The following ARHGAP39 variants were observed in gnomAD, a reference collection of about 807,000 sequenced individuals.
The protein encoded by ARHGAP39 is Rho GTPase activating protein 39.
In ARHGAP39, 44 loss-of-function variants were observed where a neutral mutation model predicts 106.9. The observed-to-expected ratio is 0.41, with a 90% CI of 0.32 to 0.53. The LOEUF (loss-of-function observed/expected upper bound fraction) is 0.53, where lower values mean the gene tolerates loss of function less well. ARHGAP39 is among the 20% of genes least tolerant of loss of function. The pLI is 0.21. For synonymous variants in ARHGAP39, 768 were observed against 693.2 expected, an observed-to-expected ratio of 1.11 and a Z score of -1.69; for missense variants, 1,496 against 1,577.3, an observed-to-expected ratio of 0.95 and a Z score of 0.87.
chr8:144,665,544 C>T (rs893064217), intron 1 of ARHGAP39, among the ~76,000 whole-genome samples: 2 of 152,228 alleles, frequency 1.3e-5, no homozygotes, highest in Admixed American at 1.3e-4. Context: ...CCCAGGGTCC[C>T]TGTGCTATGT....
chr8:144,532,295 G>T lies in ARHGAP39; in HGVS notation c.2980+10C>A. The T allele has an allele frequency of 6.2e-7, 1 of 1,612,122 alleles. No individual in the cohort carries two copies. The stretch of plus-strand genomic sequence containing the variant: ...GGCCCGCTCTGCTGCAGCGTGTGTG[G>T]GGGACTCACCAGGGACGTGGGGGTC... On this transcript the variant is annotated intron_variant, in intron 10 of 11. Transcript: ENST00000377307.
At chr8:144,607,146 C>T (rs982660462) in intron 1 of ARHGAP39, among the ~76,000 whole-genome samples, 8 of 146,514 alleles carry the variant, frequency 5.5e-5, no homozygotes, top group Non-Finnish European at 1.2e-4. Context: ...TGTGGTGGAG[C>T]GTGGCTATGG....
chr8:144,538,441 G>A (rs571859813), intron 6 of ARHGAP39, among the ~76,000 whole-genome samples: 3 of 152,340 alleles, frequency 2.0e-5, no homozygotes, highest in Admixed American at 2.0e-4. Flanking sequence ...GCCCACACCT[G>A]AGGGGTGGAG....
intron 2 of ARHGAP39, among the ~76,000 whole-genome samples, chr8:144,603,309 G>A (rs1261494599): frequency 1.3e-5 from 2 of 152,024 alleles, no homozygotes; most frequent in South Asian, 4.1e-4. Context: ...ATCTGTGTGT[G>A]TGCGTGTGCA....
chr8:144,661,978 C>T lies in ARHGAP39; in HGVS notation c.-82+23708G>A, dbSNP rs376196001. 9.2e-5 allele frequency among the ~76,000 whole-genome samples: 14 copies of T among 151,400 alleles called. No individual in the cohort carries two copies. The East Asian group carries it at 1.8e-3, about 19-fold the overall frequency. On this transcript the variant is annotated intron_variant, in intron 1 of 11. Transcript: ENST00000377307. ...CGTTATCCACTTTGGACTGCTCACC[C>T]TCCCCATTATCCACCTTGGGCCTCT...
At chr8:144,534,231 G>GATGTGGGT (rs2130818602) in intron 7 of ARHGAP39, 29 bp from the exon 8 acceptor site, 1 of 1,612,520 alleles carries the variant, frequency 6.2e-7, no homozygotes, top group East Asian at 2.2e-5. Context: ...TGATCAGCCT[G>GATGTGGGT]ATGTGGGTGT....
chr8:144,597,058 C>G (rs1334827019), intron 2 of ARHGAP39, among the ~76,000 whole-genome samples: 2 of 152,232 alleles, frequency 1.3e-5, no homozygotes, highest in Non-Finnish European at 2.9e-5. Flanking sequence ...TGCGGGAACT[C>G]CCTCTGGGCC....
the ARHGAP39 span, chr8:144,698,977 C>T: frequency 4.7e-6 from 2 of 428,214 alleles, no homozygotes; most frequent in Non-Finnish European, 9.4e-6. Context: ...GCCCCAGCCG[C>T]GTTTCTCTTT....
intron 1 of ARHGAP39, among the ~76,000 whole-genome samples, chr8:144,664,710 C>G (rs530910941): frequency 1.3e-5 from 2 of 151,850 alleles, no homozygotes; most frequent in African/African-American, 4.9e-5. Context: ...GAGGCTTCCA[C>G]TTTTGCTTCT....
chr8:144,671,021 A>G lies in ARHGAP39; in HGVS notation c.-82+14665T>C, dbSNP rs528373191. On this transcript the variant is annotated intron_variant, in intron 1 of 11. Coordinates refer to ENST00000377307, the MANE Select transcript of ARHGAP39 (RefSeq NM_025251.3). This position sits in a 1 kb window ranked among gnomAD's most constrained non-coding sequence, Gnocchi z 4.5. ...CCACACACATGTGCTCACACTCAGG[A>G]CACACAGTGCTGCCAAGCCTCAGGG... Among the ~76,000 whole-genome samples, 7 of 152,316 alleles carry G rather than the reference A, an allele frequency of 4.6e-5. No individual in the cohort carries two copies. In the South Asian group the frequency reaches 1.5e-3, roughly 32 times the overall value.
chr8:144,539,791 C>G (rs1817116818), intron 6 of ARHGAP39, among the ~76,000 whole-genome samples: 1 of 152,222 alleles, frequency 6.6e-6, no homozygotes, highest in Admixed American at 6.5e-5. Context: ...TAGTGCCACA[C>G]TCTCGTTAGT....
In ARHGAP39 at chr8:144,562,843, C is replaced by T. The variant is rs191782941; in HGVS notation, c.513-7200G>A. Among the ~76,000 whole-genome samples the T allele has an allele frequency of 5.9e-5, 9 of 152,054 alleles. 1 individual carries two copies. The highest frequency in any genetic ancestry group is 1.4e-4 in the African/African-American group (6 of 41,458). On this transcript the variant is annotated intron_variant, in intron 3 of 11. Transcript: ENST00000377307. ...TCCATCACACTCCAGTGGTTTCCAT[C>T]GGACTCACTCCAGTGGTTTCCACAG...
At chr8:144,622,613 A>G (rs1375986655) in intron 1 of ARHGAP39, among the ~76,000 whole-genome samples, 4 of 152,216 alleles carry the variant, frequency 2.6e-5, no homozygotes, top group Non-Finnish European at 5.9e-5. Context: ...CAGAGTGGAC[A>G]CTTGCGTTCT....
chr8:144,599,710 T>A (rs1819772005), intron 2 of ARHGAP39, among the ~76,000 whole-genome samples: 1 of 151,980 alleles, frequency 6.6e-6, no homozygotes, highest in South Asian at 2.1e-4. Context: ...GCCAGAACCA[T>A]AATGAAGAAA....
intron 1 of ARHGAP39, among the ~76,000 whole-genome samples, chr8:144,609,426 G>T (rs1416180716): frequency 7.0e-6 from 1 of 142,318 alleles, no homozygotes. Flanking sequence ...TTTTGAGACG[G>T]AGTCTCAGTC....
At chr8:144,535,110 C>A (rs1454286266) in intron 7 of ARHGAP39, among the ~76,000 whole-genome samples, 1 of 152,190 alleles carries the variant, frequency 6.6e-6, no homozygotes, top group African/African-American at 2.4e-5. Flanking sequence ...GCGCCTACCG[C>A]CTGCCAGGGT....
chr8:144,576,072 C>T lies in ARHGAP39; in HGVS notation c.512+4774G>A, dbSNP rs747685136. 9.2e-5 allele frequency among the ~76,000 whole-genome samples: 14 copies of T among 152,112 alleles called. 1 individual carries two copies. The South Asian group carries it at 2.3e-3, about 25-fold the overall frequency. On this transcript the variant is annotated intron_variant, in intron 3 of 11. Coordinates refer to ENST00000377307, the MANE Select transcript of ARHGAP39 (RefSeq NM_025251.3). The stretch of plus-strand genomic sequence containing the variant: ...GAGTGGCCGGGCATGGTGGCTCACG[C>T]CTGTAATCCAGCACTTTGGGAGGGT...
chr8:144,562,608 G>A (rs550306084), intron 3 of ARHGAP39, among the ~76,000 whole-genome samples: 7 of 140,708 alleles, frequency 5.0e-5, no homozygotes, highest in African/African-American at 1.4e-4. Context: ...GGTTTCCATC[G>A]GACTCACTCC....
rs138210681 is a variant in ARHGAP39, at chr8:144,684,525, G to T, written c.-82+1161C>A. Among the ~76,000 whole-genome samples, 3 of 152,356 alleles carry T rather than the reference G, an allele frequency of 2.0e-5. No individual in the cohort carries two copies. Among genetic ancestry groups the T allele is most frequent in the Non-Finnish European group, 2.9e-5 (2 of 68,026 alleles). Reference sequence around the variant, plus strand: ...CTGGTTAAACCCGTACAGCACTGAGGGGGAGGGGGCCCGGCTGCGTTTCCG... The same window carrying T: ...CTGGTTAAACCCGTACAGCACTGAGTGGGAGGGGGCCCGGCTGCGTTTCCG... On this transcript the variant is annotated intron_variant, in intron 1 of 11. Coordinates refer to ENST00000377307, the MANE Select transcript of ARHGAP39 (RefSeq NM_025251.3). This position sits in a 1 kb window ranked among gnomAD's most constrained non-coding sequence, Gnocchi z 4.4.
Sources: gnomAD v4.1 joint callset for allele counts (sites outside exome capture counted in the v4.1 genomes callset) on GRCh38, gnomAD v4.1.1 for gene constraint, Gnocchi (gnomAD v3.1) non-coding constraint, MANE v1.5 for transcripts, NCBI Gene and HGNC (gene_info 2026-07-23, HGNC 2026-07-21) for gene names.